Variants in HNRNPK observed in about 807,000 individuals in gnomAD.
HNRNPK encodes heterogeneous nuclear ribonucleoprotein K, also known as dC-stretch binding protein.
Under a neutral mutation model 67.0 loss-of-function variants are expected in HNRNPK, and 7 were observed. The observed-to-expected ratio is 0.10, with a 90% CI of 0.06 to 0.20. The LOEUF is 0.20. Among genes scored for constraint, HNRNPK ranks in the 10% least tolerant of loss-of-function variants. HNRNPK has a pLI of 1.00. For synonymous variants in HNRNPK, 213 were observed against 193.7 expected (o/e 1.10, Z -0.83); for missense variants, 264 against 606.5 (o/e 0.44, Z 5.93).
At chr9:83,977,181 A>G (rs1273214229) in intron 4 of HNRNPK, 130 bp from the exon 5 acceptor site, 3 of 668,666 alleles carry the variant, frequency 4.5e-6, no homozygotes, top group Non-Finnish European at 7.8e-6. Flanking sequence ...TTGGGGTTGT[A>G]AAAACGACCA....
At chr9:83,977,919 T>C in intron 3 of HNRNPK, 133 bp from the exon 4 acceptor site, 2 of 627,454 alleles carry the variant, frequency 3.2e-6, no homozygotes, top group African/African-American at 1.9e-5. Flanking sequence ...GACTTGAACG[T>C]TATGCTTCCA....
chr9:83,970,513 CTTAG>C (rs748029865), intron 15 of HNRNPK, 182 bp from the exon 16 acceptor site: 157 of 648,004 alleles, frequency 2.4e-4, no homozygotes, highest in Middle Eastern at 8.4e-4. Context: ...TAATGTTTCC[CTTAG>C]TTAGTTAAGG....
At chr9:83,970,715 T>C (rs747681079) in intron 15 of HNRNPK, 22 bp downstream of exon 15, 20 of 1,309,326 alleles carry the variant, frequency 1.5e-5, no homozygotes, top group Non-Finnish European at 2.1e-5. Context: ...AAAATGTTCC[T>C]GGTAGTATTA....
At chr9:83,973,003 T>A in intron 9 of HNRNPK, 31 bp from the exon 10 acceptor site, 1 of 1,500,104 alleles carries the variant, frequency 6.7e-7, no homozygotes, top group Non-Finnish European at 9.0e-7. Context: ...AAAATAATAA[T>A]AATTAGAAGA....
intron 1 of HNRNPK, among the ~76,000 whole-genome samples, chr9:83,979,573 G>A (rs1261586274): frequency 1.3e-5 from 2 of 152,058 alleles, no homozygotes; most frequent in South Asian, 2.1e-4. Context: ...ACGGGAAAAA[G>A]CGAAAGTCGA....
intron 6 of HNRNPK, 125 bp from the exon 7 acceptor site, chr9:83,974,714 T>C (rs1956999818): frequency 1.6e-6 from 1 of 640,294 alleles, no homozygotes; most frequent in South Asian, 1.9e-5. Context: ...ATATTCCCCA[T>C]TTAAAGTAGC....
intron 6 of HNRNPK, among the ~76,000 whole-genome samples, chr9:83,974,966 G>A (rs572791856): frequency 5.9e-5 from 9 of 152,314 alleles, no homozygotes; most frequent in Non-Finnish European, 1.2e-4. Flanking sequence ...CAAAGTGGGG[G>A]AATATGCAAG....
At chr9:83,975,286 G>C (rs906833264) in intron 6 of HNRNPK, 176 bp downstream of exon 6, 3 of 618,868 alleles carry the variant, frequency 4.8e-6, no homozygotes, top group African/African-American at 1.8e-5. Flanking sequence ...TCGTTTGGGT[G>C]GGCAACTCAC....
At chr9:83,977,642 T>G (rs374019665) in intron 4 of HNRNPK, 47 bp downstream of exon 4, 1 of 1,118,392 alleles carries the variant, frequency 8.9e-7, no homozygotes, top group Non-Finnish European at 1.3e-6. Flanking sequence ...CCTTAATTTC[T>G]ACCTGAGTAT....
chr9:83,979,807 C>T (rs1324864987), intron 1 of HNRNPK, among the ~76,000 whole-genome samples: 1 of 152,148 alleles, frequency 6.6e-6, no homozygotes, highest in Non-Finnish European at 1.5e-5. Context: ...GACCCCGGGC[C>T]GGGAGACCCA....
intron 9 of HNRNPK, 139 bp downstream of exon 9, chr9:83,973,147 G>C (rs907381095): frequency 1.5e-5 from 11 of 741,528 alleles, no homozygotes; most frequent in Non-Finnish European, 1.8e-5. Flanking sequence ...ATGTCTAGCA[G>C]TGCCAGACAT....
chr9:83,974,695 GATT>G, intron 6 of HNRNPK, 106 bp from the exon 7 acceptor site: 3 of 708,356 alleles, frequency 4.2e-6, no homozygotes, highest in Non-Finnish European at 7.2e-6. Flanking sequence ...TGTAACACAT[GATT>G]ATTTAATATT....
rs1237123902 is a variant in HNRNPK, at chr9:83,968,850, T to G, written c.*557A>C. 1 of 153,202 alleles carries G rather than the reference T, an allele frequency of 6.5e-6. No homozygotes were observed. The highest frequency in any genetic ancestry group is 1.5e-5 in the Non-Finnish European group (1 of 68,490). 9.5% of individuals were successfully genotyped at this position (153,202 alleles called of 1,614,324 possible). A position where few individuals can be genotyped will look rare whatever the true frequency, so the allele number is the denominator to read the frequency against. On this transcript the variant is annotated 3_prime_UTR_variant, in exon 17 of 17. Transcript: ENST00000376263. ...CTTAGTGTTTAGTTTGGGGGTGGGT[T>G]GGGAAATTCAGCCACCATTTTAAAA... is the stretch of plus-strand genomic sequence containing the variant.
chr9:83,974,662 A>C (rs769443145), intron 6 of HNRNPK, 73 bp from the exon 7 acceptor site: 13 of 953,910 alleles, frequency 1.4e-5, no homozygotes, highest in Non-Finnish European at 2.1e-5. Context: ...TTTGTCACCA[A>C]ATCATACAAA....
chr9:83,971,950 T>G lies in HNRNPK; in HGVS notation c.885A>C (p.Gly295=), dbSNP rs769080208. The change falls in exon 11 of 17, where the codon GGA becomes GGC. Residue 295 remains glycine, a synonymous_variant. Coordinates refer to ENST00000376263, the MANE Select transcript of HNRNPK (RefSeq NM_031263.4). ...CTCTGCTACCACCCCGGCCGCCTCG[T>G]CCGGGAGGAGGGGGAGGTGGTCCTC... ...PRRGPPPPPP[G]RGGRGGSRAR... The G allele has an allele frequency of 7.5e-6, 12 of 1,600,866 alleles. No individual in the cohort carries two copies. The East Asian group carries it at 2.5e-4, about 33-fold the overall frequency.
chr9:83,974,455 C>G lies in HNRNPK; in HGVS notation c.330+62G>C, dbSNP rs549382349. 1.1e-5 allele frequency: 9 copies of G among 809,252 alleles called. No homozygotes were observed. In the African/African-American group the frequency reaches 1.5e-4, roughly 14 times the overall value. 50.1% of individuals were successfully genotyped at this position (809,252 alleles called of 1,614,324 possible). The stretch of plus-strand genomic sequence containing the variant: ...CCACCTCCCCCATCATACCCCAATA[C>G]AACATACTTTAAACATTCCCCCCTC... On this transcript the variant is annotated intron_variant, in intron 7 of 16. Coordinates refer to ENST00000376263, the MANE Select transcript of HNRNPK (RefSeq NM_031263.4).
intron 13 of HNRNPK, 43 bp downstream of exon 13, chr9:83,971,230 T>G: frequency 3.1e-6 from 4 of 1,288,458 alleles, no homozygotes; most frequent in Non-Finnish European, 4.5e-6. Context: ...GTAAGCATCT[T>G]AAATTATCAC....
chr9:83,976,211 AACAT>A (rs1957057553), intron 5 of HNRNPK, among the ~76,000 whole-genome samples: 1 of 152,230 alleles, frequency 6.6e-6, no homozygotes, highest in Non-Finnish European at 1.5e-5. Context: ...AATCAAGAGG[AACAT>A]ACAAAGATCT....
rs1437665956 is a variant in HNRNPK, at chr9:83,972,948, A to G, written c.541T>C (p.Phe181Leu). ...RENTQTTIKL[F>L]QECCPHSTDR... ...GTGGAATGAGGACAGCATTCCTGGA[A>G]AAGCTTGATGGTGGTTTGAGTGTTC... The change falls in exon 10 of 17, where the codon TTC becomes CTC. Residue 181 changes from phenylalanine to leucine, a missense_variant. Coordinates refer to ENST00000376263, the MANE Select transcript of HNRNPK (RefSeq NM_031263.4). 6.2e-7 allele frequency: 1 copy of G among 1,608,596 alleles called. No homozygotes were observed. Among genetic ancestry groups the G allele is most frequent in the Admixed American group, 1.7e-5 (1 of 59,892 alleles).
Sources: gnomAD v4.1 joint callset for allele counts (sites outside exome capture counted in the v4.1 genomes callset) on GRCh38, gnomAD v4.1.1 for gene constraint, MANE v1.5 for transcripts, NCBI Gene and HGNC (gene_info 2026-07-23, HGNC 2026-07-21) for gene names.